The following AGBL1 variants were observed in gnomAD, a reference collection of about 807,000 sequenced individuals.
The protein encoded by AGBL1 is cytosolic carboxypeptidase 4.
In AGBL1, 130 loss-of-function variants were observed where a neutral mutation model predicts 118.9. That is an observed-to-expected ratio of 1.09 (90% CI 0.95 to 1.26). AGBL1 has a LOEUF of 1.26. Ranked by LOEUF, AGBL1 falls within the 50% of genes most tolerant of loss-of-function variation. The probability of loss-of-function intolerance (pLI) is 0.00; values close to 1 mark genes in which losing one functional copy is unlikely to be tolerated. For missense variants in AGBL1, 1,584 were observed against 1,298.1 expected (o/e 1.22, Z -3.38); for synonymous variants, 555 against 478.9 (o/e 1.16, Z -2.08).
chr15:86,153,241 G>T (rs564305953), intron 3 of AGBL1, among the ~76,000 whole-genome samples: 3 of 152,136 alleles, frequency 2.0e-5, no homozygotes, highest in Non-Finnish European at 2.9e-5. Context: ...ATTCACAAAA[G>T]CAAAGACTTG....
At chr15:86,129,289 G>T (rs2076788694) in intron 1 of AGBL1, among the ~76,000 whole-genome samples, 1 of 152,154 alleles carries the variant, frequency 6.6e-6, no homozygotes. Context: ...GTGTGCGTTT[G>T]TGTGTATAGG....
rs1380481724 is a variant in AGBL1 at position 86,216,089 on chromosome 15, T to C, written c.489-8825T>C. ...TATAGAGATACAATTGACGTTTGTATGTTAATCTGTTATCATGGCCACCTT... is the reference window on the plus strand; with the variant it reads ...TATAGAGATACAATTGACGTTTGTACGTTAATCTGTTATCATGGCCACCTT... On this transcript the variant is annotated intron_variant, in intron 5 of 22. Transcript: ENST00000614907. 3.9e-5 allele frequency among the ~76,000 whole-genome samples: 6 copies of C among 152,350 alleles called. No homozygotes were observed. The South Asian group carries it at 1.0e-3, about 26-fold the overall frequency.
In AGBL1 at chr15:86,545,997, T is replaced by C. The variant is rs763959231; in HGVS notation, c.2686-5T>C. ...TTTATTTTCTCCTTTGTTGGGCTAT[T>C]GTAGGTTTTCTGTGACTTCCATGGC... On this transcript the variant is annotated splice_polypyrimidine_tract_variant and splice_region_variant and intron_variant, in intron 19 of 22. Coordinates refer to ENST00000614907, the MANE Select transcript of AGBL1 (RefSeq NM_001386094.1). The C allele has an allele frequency of 1.2e-6, 2 of 1,612,414 alleles. No homozygotes were observed. Among genetic ancestry groups the C allele is most frequent in the South Asian group, 2.2e-5 (2 of 91,000 alleles).
intron 23 of AGBL1, among the ~76,000 whole-genome samples, chr15:86,941,525 C>G (rs1252390834): frequency 6.6e-6 from 1 of 152,302 alleles, no homozygotes; most frequent in African/African-American, 2.4e-5. Flanking sequence ...CCACCCAAAG[C>G]TGAGATCCAA....
chr15:86,886,193 A>T (rs1163006402), intron 22 of AGBL1, among the ~76,000 whole-genome samples: 1 of 152,240 alleles, frequency 6.6e-6, no homozygotes, highest in Non-Finnish European at 1.5e-5. Flanking sequence ...CAAAGATAGA[A>T]CAGACAGTAA....
chr15:86,942,406 G>C (rs548232850), intron 23 of AGBL1, among the ~76,000 whole-genome samples: 1 of 152,124 alleles, frequency 6.6e-6, no homozygotes, highest in South Asian at 2.1e-4. Context: ...TCTTCCGAGG[G>C]TTTTAGAATT....
At chr15:86,391,402 A>C (rs543779385) in intron 17 of AGBL1, among the ~76,000 whole-genome samples, 1 of 152,008 alleles carries the variant, frequency 6.6e-6, no homozygotes, top group East Asian at 1.9e-4. Flanking sequence ...TTTTCTCAGA[A>C]TCTTTCCACT....
intron 17 of AGBL1, among the ~76,000 whole-genome samples, chr15:86,353,835 A>G (rs1276883799): frequency 6.6e-6 from 1 of 152,206 alleles, no homozygotes; most frequent in African/African-American, 2.4e-5. Flanking sequence ...CACCCGAGAG[A>G]TGAGAGTCGT....
intron 17 of AGBL1, among the ~76,000 whole-genome samples, chr15:86,331,094 T>G (rs2080260916): frequency 6.6e-6 from 1 of 151,542 alleles, no homozygotes; most frequent in East Asian, 1.9e-4. Context: ...CATGGTGGTG[T>G]GCACCTGTAA....
intron 21 of AGBL1, among the ~76,000 whole-genome samples, chr15:86,640,003 T>C (rs991963006): frequency 1.3e-4 from 20 of 152,218 alleles, no homozygotes; most frequent in Admixed American, 1.0e-3. Context: ...TGACATTTTT[T>C]CCAGTGGACT....
chr15:86,970,808 G>A (rs2081100665), intron 23 of AGBL1, among the ~76,000 whole-genome samples: 1 of 151,830 alleles, frequency 6.6e-6, no homozygotes, highest in South Asian at 2.1e-4. Flanking sequence ...TGTACAATTG[G>A]CCCTCCATAT....
chr15:86,717,198 A>G (rs1303557979), intron 22 of AGBL1, among the ~76,000 whole-genome samples: 2 of 152,198 alleles, frequency 1.3e-5, no homozygotes, highest in Admixed American at 6.5e-5. Flanking sequence ...ATGAAATGTG[A>G]TAAGAGCTGA....
Position 86,143,603 on chromosome 15 carries a change from A to T in AGBL1, c.116-96A>T. ...AATTTTACGTAGTTGAAATGAACTAATTCTTGCTCTGTCTCTAGTTGGGAG... is the reference window on the plus strand; with the variant it reads ...AATTTTACGTAGTTGAAATGAACTATTTCTTGCTCTGTCTCTAGTTGGGAG... On this transcript the variant is annotated intron_variant, in intron 2 of 22. Coordinates refer to ENST00000614907, the MANE Select transcript of AGBL1 (RefSeq NM_001386094.1). 4.2e-6 allele frequency: 6 copies of T among 1,443,610 alleles called. No individual in the cohort carries two copies. The South Asian group carries it at 8.0e-5, about 19-fold the overall frequency. 89.4% of individuals were successfully genotyped at this position (1,443,610 alleles called of 1,614,324 possible).
At chr15:86,709,412 C>A (rs1279686998) in intron 22 of AGBL1, among the ~76,000 whole-genome samples, 3 of 152,072 alleles carry the variant, frequency 2.0e-5, no homozygotes, top group Non-Finnish European at 4.4e-5. Context: ...ATCTAGCCAA[C>A]AAATCAAGCA....
chr15:86,560,383 T>A (rs758741177), intron 21 of AGBL1, among the ~76,000 whole-genome samples: 1 of 151,180 alleles, frequency 6.6e-6, no homozygotes, highest in African/African-American at 2.4e-5. Context: ...AGTGAGAACT[T>A]GTGGTGTTTG....
chr15:86,742,812 GC>G (rs2077698884), intron 22 of AGBL1, among the ~76,000 whole-genome samples: 1 of 152,104 alleles, frequency 6.6e-6, no homozygotes, highest in South Asian at 2.1e-4. Context: ...TGCTCTCTCT[GC>G]TTTGGTCTGT....
At chr15:86,564,918 C>A (rs139284986) in intron 21 of AGBL1, among the ~76,000 whole-genome samples, 1 of 152,134 alleles carries the variant, frequency 6.6e-6, no homozygotes, top group Non-Finnish European at 1.5e-5. Context: ...TCCAGTTGAT[C>A]GAATTGCCTA....
chr15:86,979,523 C>T (rs1332483153), intron 23 of AGBL1, among the ~76,000 whole-genome samples: 2 of 151,890 alleles, frequency 1.3e-5, no homozygotes. Context: ...GTGTCTCCCT[C>T]TGTTGCCCAG....
At chr15:86,414,693 T>A (rs2081666398) in intron 18 of AGBL1, among the ~76,000 whole-genome samples, 1 of 152,222 alleles carries the variant, frequency 6.6e-6, no homozygotes, top group Non-Finnish European at 1.5e-5. Flanking sequence ...TTCCTGAAGT[T>A]ATTTGAACAG....
Sources: gnomAD v4.1 joint callset for allele counts (sites outside exome capture counted in the v4.1 genomes callset) on GRCh38, gnomAD v4.1.1 for gene constraint, MANE v1.5 for transcripts, NCBI Gene and HGNC (gene_info 2026-07-23, HGNC 2026-07-21) for gene names.